The following ACSM5 variants were observed in gnomAD, a reference collection of about 807,000 sequenced individuals.
The protein encoded by ACSM5 is acyl-CoA synthetase medium chain family member 5, also known as acyl-coenzyme A synthetase ACSM5, mitochondrial.
In ACSM5, 56 loss-of-function variants were observed where a neutral mutation model predicts 71.6. The ratio of observed to expected loss-of-function variants is 0.78; its 90% CI spans 0.63 to 0.98. The LOEUF is 0.98. ACSM5 is among the 50% of genes least tolerant of loss of function. ACSM5 has a pLI of 0.00. For synonymous variants in ACSM5, 285 were observed against 281.5 expected, an observed-to-expected ratio of 1.01 and a Z score of -0.12; for missense variants, 723 against 726.0, an observed-to-expected ratio of 1.00 and a Z score of 0.05.
chr16:20,434,083 C>T (rs1411968635), intron 10 of ACSM5, among the ~76,000 whole-genome samples: 1 of 152,106 alleles, frequency 6.6e-6, no homozygotes, highest in Non-Finnish European at 1.5e-5. Context: ...CTTTCACTTT[C>T]TTTAAGCTAT....
intron 10 of ACSM5, among the ~76,000 whole-genome samples, chr16:20,433,139 G>A (rs890039166): frequency 6.6e-6 from 1 of 152,128 alleles, no homozygotes; most frequent in Non-Finnish European, 1.5e-5. Context: ...GGGATTACAG[G>A]CATCAGCCAC....
At chr16:20,431,395 T>C in intron 10 of ACSM5, 74 bp downstream of exon 10, 1 of 1,216,000 alleles carries the variant, frequency 8.2e-7, no homozygotes, top group Non-Finnish European at 1.2e-6. Flanking sequence ...TTTGTAAATA[T>C]CTATTTGTTT....
At chr16:20,411,341 G>C (rs568264791) in intron 1 of ACSM5, 129 bp from the exon 2 acceptor site, 8 of 714,420 alleles carry the variant, frequency 1.1e-5, no homozygotes, top group South Asian at 7.2e-5. Context: ...TGAAGGTGGA[G>C]AGTTTATTCT....
At chr16:20,438,217 A>G (rs534402601) in intron 12 of ACSM5, among the ~76,000 whole-genome samples, 21 of 152,116 alleles carry the variant, frequency 1.4e-4, no homozygotes, top group African/African-American at 5.1e-4. Context: ...ACTGGCTTAC[A>G]TCCAACATAA....
At chr16:20,419,113 G>A (rs7191807) in intron 3 of ACSM5, 115 bp from the exon 4 acceptor site, 10 of 811,892 alleles carry the variant, frequency 1.2e-5, no homozygotes, top group South Asian at 3.3e-5. Flanking sequence ...TTATTGTTAC[G>A]TCTTCCAGCT....
At chr16:20,431,383 A>C (rs111385695) in intron 10 of ACSM5, 62 bp downstream of exon 10, 1 of 1,307,678 alleles carries the variant, frequency 7.6e-7, no homozygotes, top group Non-Finnish European at 1.1e-6. Flanking sequence ...TGTGCACCAC[A>C]CTTTGTAAAT....
intron 10 of ACSM5, among the ~76,000 whole-genome samples, chr16:20,431,944 CAAAAAA>C (rs747665777): frequency 1.3e-3 from 168 of 126,496 alleles, no homozygotes; most frequent in Middle Eastern, 4.0e-3. Flanking sequence ...GACTCCGTAT[CAAAAAA>C]AAAAAATAAT....
At chr16:20,419,743 G>A in intron 4 of ACSM5, 1 of 413,866 alleles carries the variant, frequency 2.4e-6, no homozygotes, top group Non-Finnish European at 4.5e-6. Context: ...CACATAGCAG[G>A]TGGTCAGTTA....
At chr16:20,437,840 T>C (rs941977108) in intron 12 of ACSM5, among the ~76,000 whole-genome samples, 14 of 150,184 alleles carry the variant, frequency 9.3e-5, no homozygotes, top group South Asian at 6.5e-4. Context: ...TTTTTTTTTT[T>C]GAGATGGAGT....
At chr16:20,422,367 C>T (rs1966896708) in intron 5 of ACSM5, among the ~76,000 whole-genome samples, 1 of 152,174 alleles carries the variant, frequency 6.6e-6, no homozygotes, top group Non-Finnish European at 1.5e-5. Flanking sequence ...GCCTTGGCCT[C>T]TCAAAGTGCT....
Position 20,421,262 on chromosome 16 carries a change from G to A in ACSM5, c.628G>A (p.Ala210Thr), listed in dbSNP as rs757348883. 1.3e-6 allele frequency: 2 copies of A among 1,577,948 alleles called. No individual in the cohort carries two copies. The highest frequency in any genetic ancestry group is 8.6e-7 in the Non-Finnish European group (1 of 1,156,842). The change falls in exon 5 of 14, where the codon GCT becomes ACT. Residue 210 changes from alanine (A) to threonine (T), a missense_variant. Physicochemically the swap from Ala to Thr is moderately conservative, Grantham distance 58. Coordinates refer to ENST00000331849, the MANE Select transcript of ACSM5 (RefSeq NM_017888.3). ...TAGTGTATTTACGTTTTACAGGGAG[G>A]CTTCTACAGAGCACAACTGCATGAG... ...WLNFRELLRE[A>T]STEHNCMRTK...
In ACSM5 at chr16:20,440,416, T is replaced by C; in HGVS notation, c.1729T>C (p.Trp577Arg). Residue 577 changes from tryptophan to arginine, a missense_variant, in exon 14 of 14, where the codon TGG (tryptophan) becomes CGG (arginine). Trp to Arg is a moderately radical substitution (Grantham distance 101, BLOSUM62 -3). Transcript: ENST00000331849. ...IQRSKLRSQE[W>R]GK ...AAGGAGTAAATTGCGAAGTCAGGAG[T>C]GGGGGAAATGAGGTGCACCCCAGGA... The C allele has an allele frequency of 6.2e-7, 1 of 1,609,550 alleles. No individual in the cohort carries two copies. Among genetic ancestry groups the C allele is most frequent in the Non-Finnish European group, 8.5e-7 (1 of 1,176,670 alleles).
At chr16:20,419,686 A>G in intron 4 of ACSM5, 1 of 531,424 alleles carries the variant, frequency 1.9e-6, no homozygotes, top group Non-Finnish European at 3.4e-6. Flanking sequence ...GGTAGTTATT[A>G]GAGCTACCAT....
At chr16:20,429,897 C>A in intron 8 of ACSM5, 96 bp downstream of exon 8, 3 of 1,461,136 alleles carry the variant, frequency 2.1e-6, no homozygotes, top group South Asian at 2.6e-5. Flanking sequence ...TCAGGGACCA[C>A]CCTTCCCCCA....
In ACSM5 at chr16:20,427,982, T is replaced by G. The variant is rs1967023107; in HGVS notation, c.1001+115T>G. 3.7e-6 allele frequency: 3 copies of G among 814,652 alleles called. No homozygotes were observed. In the South Asian group the frequency reaches 4.6e-5, roughly 13 times the overall value. The allele number at this position is 814,652 out of a possible 1,614,324, so 50.5% of individuals were successfully genotyped here. ...CTCTCTTTCTTTCTCTGTCTCTCCC[T>G]CTATATATTTTTCTGCCTCTCTCTT... On this transcript the variant is annotated intron_variant, in intron 7 of 13. Coordinates refer to ENST00000331849, the MANE Select transcript of ACSM5 (RefSeq NM_017888.3).
At chr16:20,422,174 C>T (rs1231122369) in intron 5 of ACSM5, among the ~76,000 whole-genome samples, 6 of 151,658 alleles carry the variant, frequency 4.0e-5, no homozygotes, top group South Asian at 4.2e-4. Flanking sequence ...TGCAGTGGTG[C>T]GATCTCCACT....
At chr16:20,411,861 G>A (rs565829405) in intron 2 of ACSM5, 173 bp downstream of exon 2, 12 of 661,878 alleles carry the variant, frequency 1.8e-5, no homozygotes, top group Non-Finnish European at 2.9e-5. Flanking sequence ...TTCTGAGTCA[G>A]TGTTGTGAGC....
rs1009721181 is a variant in ACSM5 at position 20,440,577 on chromosome 16, C to T, written c.*150C>T. The T allele has an allele frequency of 4.4e-6, 3 of 683,860 alleles. No individual in the cohort carries two copies. The highest frequency in any genetic ancestry group is 7.7e-6 in the Non-Finnish European group (3 of 387,540). 42.4% of individuals were successfully genotyped at this position (683,860 alleles called of 1,614,324 possible). Reference sequence around the variant, plus strand: ...AAACGGCATCCCCAGGATCACTGGGCAATGCTGGAAAGAGCAAAAGAATAT... The same window carrying T: ...AAACGGCATCCCCAGGATCACTGGGTAATGCTGGAAAGAGCAAAAGAATAT... On this transcript the variant is annotated 3_prime_UTR_variant, in exon 14 of 14. Coordinates refer to ENST00000331849, the MANE Select transcript of ACSM5 (RefSeq NM_017888.3).
Position 20,427,788 on chromosome 16 carries a change from A to G in ACSM5, c.922A>G (p.Thr308Ala). The G allele has an allele frequency of 6.2e-7, 1 of 1,610,540 alleles. No homozygotes were observed. The highest frequency in any genetic ancestry group is 8.5e-7 in the Non-Finnish European group (1 of 1,177,234). The part of the protein sequence containing the change: ...PRVDAKVILN[T>A]LSKFPITTLC... ...TCTTTCACCCTTTGTTTTTGTTTAG[A>G]CTCTCTCCAAATTCCCGATAACCAC... The change falls in exon 7 of 14, where the codon ACT (threonine) becomes GCT (alanine). Residue 308 changes from threonine (T) to alanine (A), a missense_variant and splice_region_variant. Physicochemically the swap from Thr to Ala is moderately conservative, Grantham distance 58. Coordinates refer to ENST00000331849, the MANE Select transcript of ACSM5 (RefSeq NM_017888.3).
Sources: allele counts gnomAD v4.1 joint callset (sites outside exome capture counted in the v4.1 genomes callset), GRCh38; gene constraint gnomAD v4.1.1; transcripts MANE v1.5; gene names NCBI Gene and HGNC (gene_info 2026-07-23, HGNC 2026-07-21).